The following PXDN variants were observed in gnomAD, a reference collection of about 807,000 sequenced individuals.
The protein encoded by PXDN is peroxidasin.
Under a neutral mutation model 140.3 loss-of-function variants are expected in PXDN, and 77 were observed. The observed-to-expected ratio is 0.55, with a 90% CI of 0.46 to 0.66. The LOEUF (loss-of-function observed/expected upper bound fraction) is 0.66, where lower values mean the gene tolerates loss of function less well. PXDN is among the 30% of genes least tolerant of loss of function. PXDN has a pLI of 0.00. For missense variants in PXDN, 1,838 were observed against 2,039.5 expected, an observed-to-expected ratio of 0.90 and a Z score of 1.90; for synonymous variants, 911 against 857.4, an observed-to-expected ratio of 1.06 and a Z score of -1.09.
intron 7 of PXDN, 123 bp downstream of exon 7, chr2:1,680,069 TG>T: frequency 8.1e-7 from 1 of 1,236,890 alleles, no homozygotes; most frequent in South Asian, 1.5e-5. Flanking sequence ...TGTCTATAAA[TG>T]GTGTGTGTGT....
intron 17 of PXDN, among the ~76,000 whole-genome samples, chr2:1,645,535 A>AT (rs1399753011): frequency 2.0e-5 from 3 of 152,182 alleles, no homozygotes; most frequent in African/African-American, 7.2e-5. Context: ...ATCAAGACAG[A>AT]TTTTGTTGCT....
chr2:1,703,221 GGGGGGGGCAACTCCTGGTGAA>G (rs1684486361), intron 1 of PXDN, among the ~76,000 whole-genome samples: 1 of 25,328 alleles, frequency 3.9e-5, no homozygotes, highest in Non-Finnish European at 6.7e-5. Context: ...TCCAGGTGAA[GGGGGGGGCAACTCCTGGTGAA>G]GGGGGGGCAA....
chr2:1,655,450 C>T (rs1432486355), intron 14 of PXDN, among the ~76,000 whole-genome samples: 1 of 151,100 alleles, frequency 6.6e-6, no homozygotes. Context: ...CACACATACA[C>T]CACACACACA....
At chr2:1,642,617 T>G (rs1344666372) in intron 19 of PXDN, among the ~76,000 whole-genome samples, 2 of 152,188 alleles carry the variant, frequency 1.3e-5, no homozygotes, top group Non-Finnish European at 2.9e-5. Flanking sequence ...ATCCCCAGTT[T>G]GGTATTTTAT....
intron 1 of PXDN, among the ~76,000 whole-genome samples, chr2:1,707,071 C>T (rs1001876228): frequency 1.7e-5 from 2 of 115,124 alleles, no homozygotes; most frequent in Admixed American, 8.2e-5. Context: ...CTAAACATCA[C>T]CTGCCCCACT....
chr2:1,657,714 A>C (rs1572132947), intron 14 of PXDN, among the ~76,000 whole-genome samples: 1 of 104,154 alleles, frequency 9.6e-6, no homozygotes, highest in African/African-American at 3.8e-5. Context: ...CCTCCTGACA[A>C]GAACCTGCCC....
chr2:1,643,692 T>G (rs1218712056), intron 18 of PXDN, 116 bp from the exon 19 acceptor site: 7 of 1,048,126 alleles, frequency 6.7e-6, no homozygotes, highest in Non-Finnish European at 9.9e-6. Flanking sequence ...CCACTAGGTT[T>G]GATTAGGTGT....
At chr2:1,646,948 T>G (rs1682862016) in intron 17 of PXDN, among the ~76,000 whole-genome samples, 1 of 152,052 alleles carries the variant, frequency 6.6e-6, no homozygotes, top group Non-Finnish European at 1.5e-5. Context: ...CAGGCTGGAG[T>G]GCAGTAGCGT....
intron 1 of PXDN, among the ~76,000 whole-genome samples, chr2:1,715,666 C>T (rs1370557624): frequency 6.6e-6 from 1 of 152,122 alleles, no homozygotes; most frequent in Non-Finnish European, 1.5e-5. Flanking sequence ...TTGCAGCAGC[C>T]GAACAAGCTG....
intron 17 of PXDN, among the ~76,000 whole-genome samples, chr2:1,647,493 C>T (rs1161174817): frequency 6.6e-6 from 1 of 152,208 alleles, no homozygotes; most frequent in Non-Finnish European, 1.5e-5. Flanking sequence ...TCCGAGGTCT[C>T]CTAATCTACC....
chr2:1,664,793 G>C, intron 11 of PXDN, 165 bp downstream of exon 11: 1 of 608,138 alleles, frequency 1.6e-6, no homozygotes, highest in Non-Finnish European at 2.9e-6. Context: ...AGCCGCGGGG[G>C]ATGTGCAGAC....
intron 1 of PXDN, among the ~76,000 whole-genome samples, chr2:1,727,365 C>G (rs1240805824): frequency 1.3e-5 from 2 of 152,224 alleles, no homozygotes; most frequent in Admixed American, 1.3e-4. Flanking sequence ...CAAGCCGTAA[C>G]GTAATAAGTA....
In PXDN at chr2:1,639,994, A is replaced by G. The variant is rs939981021; in HGVS notation, c.3953-572T>C. 2.0e-5 allele frequency among the ~76,000 whole-genome samples: 3 copies of G among 151,812 alleles called. No individual in the cohort carries two copies. Among genetic ancestry groups the G allele is most frequent in the Admixed American group, 2.0e-4 (3 of 15,238 alleles). ...AGCCCTCAGTGCTATGCCTCACCTG[A>G]GCCCCGGGTGAGTGAGGGGCCCTCA... On this transcript the variant is annotated intron_variant, in intron 19 of 22. Coordinates refer to ENST00000252804, the MANE Select transcript of PXDN (RefSeq NM_012293.3). This position sits in a 1 kb window ranked among gnomAD's most constrained non-coding sequence, Gnocchi z 5.0.
intron 1 of PXDN, among the ~76,000 whole-genome samples, chr2:1,733,537 T>C (rs1572203097): frequency 6.6e-6 from 1 of 151,674 alleles, no homozygotes; most frequent in Non-Finnish European, 1.5e-5. Context: ...TAGTCAGGAG[T>C]TCGAGACCAG....
At chr2:1,720,612 G>GCTCTCTCTGTATCTCTTTCT (rs1685018991) in intron 1 of PXDN, among the ~76,000 whole-genome samples, 1 of 101,434 alleles carries the variant, frequency 9.9e-6, no homozygotes, top group African/African-American at 4.1e-5. Flanking sequence ...CTCAGATACA[G>GCTCTCTCTGTATCTCTTTCT]CTCTCTCTGC....
In PXDN at chr2:1,744,211, C is replaced by T. The variant is rs1027791901; in HGVS notation, c.200+45G>A. On this transcript the variant is annotated intron_variant, in intron 1 of 22. Transcript: ENST00000252804. The stretch of plus-strand genomic sequence containing the variant: ...TCACCCCTGCGCTCCCGGATCTCCA[C>T]GAAGCCCCGGACCCCGCGCCCCCGG... 5 of 1,437,540 alleles carry T rather than the reference C, an allele frequency of 3.5e-6. No individual in the cohort carries two copies. The African/African-American group carries it at 7.4e-5, about 21-fold the overall frequency. 89.0% of individuals were successfully genotyped at this position (1,437,540 alleles called of 1,614,324 possible).
At chr2:1,724,331 C>A (rs1186042840) in intron 1 of PXDN, among the ~76,000 whole-genome samples, 2 of 97,128 alleles carry the variant, frequency 2.1e-5, no homozygotes, top group Non-Finnish European at 4.3e-5. Context: ...TTTTTTTGGT[C>A]AGAAAGCAAT....
intron 4 of PXDN, among the ~76,000 whole-genome samples, chr2:1,686,072 C>T (rs980450999): frequency 1.3e-5 from 2 of 152,044 alleles, no homozygotes; most frequent in African/African-American, 4.8e-5. Flanking sequence ...TTCAATAGCT[C>T]TGGGCTGTAG....
At chr2:1,718,587 C>T (rs1684945884) in intron 1 of PXDN, among the ~76,000 whole-genome samples, 1 of 152,162 alleles carries the variant, frequency 6.6e-6, no homozygotes, top group Admixed American at 6.5e-5. Flanking sequence ...TAACCTATGC[C>T]ACTAACTTAC....
Sources: gnomAD v4.1 joint callset for allele counts (sites outside exome capture counted in the v4.1 genomes callset) on GRCh38, gnomAD v4.1.1 for gene constraint, Gnocchi (gnomAD v3.1) non-coding constraint, MANE v1.5 for transcripts, NCBI Gene and HGNC (gene_info 2026-07-23, HGNC 2026-07-21) for gene names.